CREB5: variants seen among roughly 807,000 people sequenced by gnomAD.
CREB5 encodes cAMP responsive element binding protein 5, also known as cyclic AMP-responsive element-binding protein 5.
Under a neutral mutation model 57.1 loss-of-function variants are expected in CREB5, and 19 were observed. The observed-to-expected ratio is 0.33, with a 90% CI of 0.23 to 0.49. The LOEUF is 0.49. Ranked by LOEUF, CREB5 falls within the 20% of genes least tolerant of loss-of-function variation. The pLI is 0.99. For missense variants in CREB5, 579 were observed against 671.6 expected (o/e 0.86, Z 1.52); for synonymous variants, 238 against 238.3 (o/e 1.00, Z 0.01).
chr7:28,713,763 C>T (rs1802528986), intron 5 of CREB5, among the ~76,000 whole-genome samples: 1 of 152,154 alleles, frequency 6.6e-6, no homozygotes, highest in Non-Finnish European at 1.5e-5. Flanking sequence ...CTGTTCATTA[C>T]AAGATGGTGA....
intron 1 of CREB5, among the ~76,000 whole-genome samples, chr7:28,322,562 C>A (rs1485723828): frequency 6.6e-6 from 1 of 152,002 alleles, no homozygotes; most frequent in Non-Finnish European, 1.5e-5. Flanking sequence ...CCCCCTAATA[C>A]ATTAGGTATT....
chr7:28,754,883 G>A (rs1236274897), intron 7 of CREB5, among the ~76,000 whole-genome samples: 1 of 152,140 alleles, frequency 6.6e-6, no homozygotes, highest in African/African-American at 2.4e-5. Context: ...ATCTGCCTTG[G>A]AAGGTGCCAT....
At chr7:28,594,304 T>G (rs982475770) in intron 5 of CREB5, among the ~76,000 whole-genome samples, 3 of 152,242 alleles carry the variant, frequency 2.0e-5, no homozygotes, top group Non-Finnish European at 4.4e-5. Context: ...GTTCTGTTAT[T>G]GAGAGGGAGG....
chr7:28,367,580 C>T (rs148260562), intron 1 of CREB5, among the ~76,000 whole-genome samples: 14 of 152,242 alleles, frequency 9.2e-5, no homozygotes, highest in African/African-American at 1.9e-4. Flanking sequence ...GAAGCCGAGG[C>T]GGGTGGATCA....
chr7:28,779,473 T>C (rs1014064336), intron 7 of CREB5, among the ~76,000 whole-genome samples: 6 of 152,218 alleles, frequency 3.9e-5, no homozygotes, highest in African/African-American at 1.4e-4. Context: ...TTCTAAATCA[T>C]GCTGCCTCCC....
At chr7:28,335,636 A>T (rs1242069994) in intron 1 of CREB5, among the ~76,000 whole-genome samples, 1 of 151,822 alleles carries the variant, frequency 6.6e-6, no homozygotes, top group East Asian at 1.9e-4. Context: ...AAAATATTGT[A>T]TTATTTGCAA....
intron 4 of CREB5, among the ~76,000 whole-genome samples, chr7:28,543,856 G>A (rs1371115500): frequency 6.6e-6 from 1 of 151,516 alleles, no homozygotes; most frequent in Non-Finnish European, 1.5e-5. Context: ...TGGACCAGGT[G>A]CCTGGGGACC....
chr7:28,354,201 G>A (rs1786294788), intron 1 of CREB5, among the ~76,000 whole-genome samples: 1 of 152,174 alleles, frequency 6.6e-6, no homozygotes, highest in Non-Finnish European at 1.5e-5. Flanking sequence ...TTGGATTGAA[G>A]GATGCAAAGT....
At chr7:28,758,152 C>T (rs1805448118) in intron 7 of CREB5, among the ~76,000 whole-genome samples, 1 of 152,126 alleles carries the variant, frequency 6.6e-6, no homozygotes, top group Admixed American at 6.5e-5. Flanking sequence ...GGTTGTTGTA[C>T]TCTCCTTTCA....
In CREB5 at chr7:28,482,938, T is replaced by C. The variant is rs181944127; in HGVS notation, c.4-5237T>C. Among the ~76,000 whole-genome samples the C allele has an allele frequency of 1.1e-3, 170 of 152,308 alleles. 2 individuals are homozygous for C. Among genetic ancestry groups the C allele is most frequent in the African/African-American group, 3.9e-3 (163 of 41,558 alleles). ...TGCAAATTCCATATCACTGTATGAG[T>C]CCATCTGCTGTGAATGGAGGAAACT... On this transcript the variant is annotated intron_variant, in intron 1 of 10. Transcript: ENST00000357727.
In CREB5 at chr7:28,628,536, T is replaced by A. The variant is rs568270140; in HGVS notation, c.464+57999T>A. Among the ~76,000 whole-genome samples the A allele has an allele frequency of 5.4e-4, 82 of 152,060 alleles. No individual in the cohort carries two copies. The Middle Eastern group carries it at 0.014, about 25-fold the overall frequency. On this transcript the variant is annotated intron_variant, in intron 5 of 10. Coordinates refer to ENST00000357727, the MANE Select transcript of CREB5 (RefSeq NM_182898.4). Reference sequence around the variant, plus strand: ...CATAGGAAATCTGCATTTCAGTGGGTAAGAGAAGGAAGAGACCATGGTAGC... The same window carrying A: ...CATAGGAAATCTGCATTTCAGTGGGAAAGAGAAGGAAGAGACCATGGTAGC...
intron 7 of CREB5, among the ~76,000 whole-genome samples, chr7:28,798,532 T>C (rs1007117273): frequency 6.6e-6 from 1 of 152,216 alleles, no homozygotes; most frequent in Admixed American, 6.5e-5. Context: ...GGCTGGGCCA[T>C]GACAGCAGCG....
chr7:28,752,794 TATA>T, intron 7 of CREB5, among the ~76,000 whole-genome samples: 1 of 152,008 alleles, frequency 6.6e-6, no homozygotes, highest in Non-Finnish European at 1.5e-5. Context: ...TATCCCCTTA[TATA>T]ATGAGAAAAA....
chr7:28,607,210 CAG>C (rs1325611306), intron 5 of CREB5, among the ~76,000 whole-genome samples: 2 of 152,114 alleles, frequency 1.3e-5, no homozygotes, highest in African/African-American at 4.8e-5. Context: ...ACCTATTTTA[CAG>C]AGAGTGTAGC....
intron 5 of CREB5, among the ~76,000 whole-genome samples, chr7:28,620,501 A>G (rs1242863162): frequency 6.6e-6 from 1 of 152,158 alleles, no homozygotes; most frequent in African/African-American, 2.4e-5. Flanking sequence ...TGCCTAATAA[A>G]AGATCATCGT....
rs114735387 is a variant in CREB5 at position 28,470,336 on chromosome 7, C to T, written c.4-17839C>T. Among the ~76,000 whole-genome samples, 635 of 152,170 alleles carry T rather than the reference C, an allele frequency of 4.2e-3. 8 individuals are homozygous for T. The highest frequency in any genetic ancestry group is 0.014 in the African/African-American group (601 of 41,530). On this transcript the variant is annotated intron_variant, in intron 1 of 10. Coordinates refer to ENST00000357727, the MANE Select transcript of CREB5 (RefSeq NM_182898.4). ...AGAGAACATGCGATGTTTGTCTTTC[C>T]GTGCCTGGCTTATTTTACTTAACAT...
intron 1 of CREB5, among the ~76,000 whole-genome samples, chr7:28,382,381 A>C (rs1355158137): frequency 6.6e-6 from 1 of 152,170 alleles, no homozygotes; most frequent in East Asian, 1.9e-4. Flanking sequence ...CTTTCAGCAG[A>C]AGCGTGGCAG....
chr7:28,592,507 G>C (rs1796555230), intron 5 of CREB5, among the ~76,000 whole-genome samples: 2 of 151,902 alleles, frequency 1.3e-5, no homozygotes, highest in South Asian at 2.1e-4. Context: ...GAGGGAGCAA[G>C]GGGGGGTTGA....
intron 1 of CREB5, among the ~76,000 whole-genome samples, chr7:28,363,031 T>C (rs1434769770): frequency 6.6e-6 from 1 of 152,200 alleles, no homozygotes; most frequent in Non-Finnish European, 1.5e-5. Flanking sequence ...AAGTTAAGAT[T>C]GTGCTAAGTA....
Sources: gnomAD v4.1 joint callset for allele counts (sites outside exome capture counted in the v4.1 genomes callset) on GRCh38, gnomAD v4.1.1 for gene constraint, MANE v1.5 for transcripts, NCBI Gene and HGNC (gene_info 2026-07-23, HGNC 2026-07-21) for gene names.